PPP1R12C: variants seen among roughly 807,000 people sequenced by gnomAD.
The protein encoded by PPP1R12C is protein phosphatase 1 regulatory subunit 12C, also known as leukocyte receptor cluster (LRC) encoded novel gene 3.
A neutral mutation model predicts 95.6 loss-of-function variants in PPP1R12C; 48 were observed. That is an observed-to-expected ratio of 0.50 (90% CI 0.40 to 0.64). The LOEUF (loss-of-function observed/expected upper bound fraction) is 0.64, where lower values mean the gene tolerates loss of function less well. Among genes scored for constraint, PPP1R12C ranks in the 30% least tolerant of loss-of-function variants. PPP1R12C has a pLI of 0.00. For synonymous variants in PPP1R12C, 480 were observed against 460.8 expected (o/e 1.04, Z -0.53); for missense variants, 1,057 against 1,083.3 (o/e 0.98, Z 0.34).
At chr19:55,117,082 G>C (rs187809521) in intron 1 of PPP1R12C, 141 bp downstream of exon 1, 134 of 653,472 alleles carry the variant, frequency 2.1e-4, no homozygotes, top group Non-Finnish European at 2.6e-4. Context: ...GGACTGGGAC[G>C]GGGTGTCAGC....
At chr19:55,092,420 C>A (rs1439320607) in intron 18 of PPP1R12C, 22 bp downstream of exon 18, 1 of 1,589,284 alleles carries the variant, frequency 6.3e-7, no homozygotes, top group Non-Finnish European at 8.6e-7. Flanking sequence ...GGCAAAGCCC[C>A]GACGGAGGGG....
chr19:55,103,788 C>T (rs2085003971), intron 3 of PPP1R12C, among the ~76,000 whole-genome samples: 1 of 152,028 alleles, frequency 6.6e-6, no homozygotes, highest in Non-Finnish European at 1.5e-5. Flanking sequence ...GCGCTAAGCA[C>T]TGGGAAAACG....
chr19:55,091,626 GCCCACAGCC>G lies in PPP1R12C; in HGVS notation c.2262+15_2262+23del, dbSNP rs376699437. 2.7e-4 allele frequency: 414 copies of G among 1,556,646 alleles called. 2 individuals carry two copies. In the South Asian group the frequency reaches 3.0e-3, roughly 11 times the overall value. On this transcript the variant is annotated intron_variant, in intron 21 of 21. Coordinates refer to ENST00000263433, the MANE Select transcript of PPP1R12C (RefSeq NM_017607.4). ...CACCCCCACCCACCCTCGGCCCTCT[GCCCACAGCC>G]CCCACAGCCCCCACCTTCAGCTCCT...
Position 55,107,246 on chromosome 19 carries a change from T to G in PPP1R12C, c.572-3678A>C, listed in dbSNP as rs971589390. Among the ~76,000 whole-genome samples, 33 of 152,062 alleles carry G rather than the reference T, an allele frequency of 2.2e-4. 1 individual carries two copies. Among genetic ancestry groups the G allele is most frequent in the Non-Finnish European group, 4.4e-5 (3 of 68,014 alleles). On this transcript the variant is annotated intron_variant, in intron 3 of 21. Coordinates refer to ENST00000263433, the MANE Select transcript of PPP1R12C (RefSeq NM_017607.4). The stretch of plus-strand genomic sequence containing the variant: ...CTGGCCAACATGGTGAAACCCCATC[T>G]CTACTAAAAATACAAAAATTAGCTG...
In PPP1R12C at chr19:55,092,262, C is replaced by A; in HGVS notation, c.2120G>T (p.Arg707Leu). ...LREALTETTLRLAQLKVELER... is the reference protein window; with the variant it reads ...LREALTETTLLLAQLKVELER... ...CAGCTCCACCTTGAGCTGCGCCAGC[C>A]GCAGCGTGGTCTCGGTCAGGGCCTC... Residue 707 changes from arginine to leucine, a missense_variant, in exon 19 of 22, where the codon CGG becomes CTG. Physicochemically the swap from Arg to Leu is moderately radical, Grantham distance 102. Coordinates refer to ENST00000263433, the MANE Select transcript of PPP1R12C (RefSeq NM_017607.4). 6.3e-7 allele frequency: 1 copy of A among 1,597,728 alleles called. No individual in the cohort carries two copies. Among genetic ancestry groups the A allele is most frequent in the Non-Finnish European group, 8.5e-7 (1 of 1,172,806 alleles).
chr19:55,110,218 T>C (rs2085080591), intron 3 of PPP1R12C, among the ~76,000 whole-genome samples: 1 of 152,212 alleles, frequency 6.6e-6, no homozygotes, highest in Non-Finnish European at 1.5e-5. Context: ...AGCTGGGCCC[T>C]GAACCAGAGC....
chr19:55,100,483 T>A (rs541995889), intron 4 of PPP1R12C, among the ~76,000 whole-genome samples: 1 of 152,392 alleles, frequency 6.6e-6, no homozygotes, highest in East Asian at 1.9e-4. Context: ...CAGATCTGTC[T>A]TGTTTACCCA....
At chr19:55,100,358 A>G (rs1221518486) in intron 4 of PPP1R12C, among the ~76,000 whole-genome samples, 4 of 152,088 alleles carry the variant, frequency 2.6e-5, no homozygotes, top group Non-Finnish European at 5.9e-5. Context: ...AACATCCCAT[A>G]GGTGGAGGCC....
In PPP1R12C at chr19:55,094,684, T is replaced by C. The variant is rs2084889438; in HGVS notation, c.1569A>G (p.Pro523=). The part of the protein sequence containing the change: ...PNVPTASTAP[P]ADSRDRRRSY... Reference sequence around the variant, plus strand: ...ACCTCCGTCGGTCCCGGGAGTCCGCTGGGGGCGCCGTGGAGGCTGTGGGGA... The same window carrying C: ...ACCTCCGTCGGTCCCGGGAGTCCGCCGGGGGCGCCGTGGAGGCTGTGGGGA... The change falls in exon 12 of 22, where the codon CCA becomes CCG. Residue 523 remains proline (P), a synonymous_variant. Transcript: ENST00000263433. 2 of 1,604,308 alleles carry C rather than the reference T, an allele frequency of 1.2e-6. No homozygotes were observed. The highest frequency in any genetic ancestry group is 1.7e-5 in the Admixed American group (1 of 58,862).
Position 55,099,145 on chromosome 19 carries a change from C to T in PPP1R12C, c.732-50G>A, listed in dbSNP as rs373523433. 109 of 1,457,940 alleles carry T rather than the reference C, an allele frequency of 7.5e-5. No individual in the cohort carries two copies. The African/African-American group carries it at 1.1e-3, about 14-fold the overall frequency. 90.3% of individuals were successfully genotyped at this position (1,457,940 alleles called of 1,614,324 possible). ...CAGAGGCCAAGGCGGGGCCCTTGGC[C>T]GAGGGCTGATTTCGGCCAGCGGTTT... On this transcript the variant is annotated intron_variant, in intron 4 of 21. Transcript: ENST00000263433.
In PPP1R12C at chr19:55,094,693, C is replaced by A; in HGVS notation, c.1560G>T (p.Thr520=). 1.2e-6 allele frequency: 2 copies of A among 1,607,138 alleles called. No homozygotes were observed. Among genetic ancestry groups the A allele is most frequent in the African/African-American group, 1.3e-5 (1 of 74,922 alleles). The change falls in exon 12 of 22, where the codon ACG becomes ACT. Residue 520 remains threonine, a synonymous_variant. Transcript: ENST00000263433. ...GGTCCCGGGAGTCCGCTGGGGGCGCCGTGGAGGCTGTGGGGACGTTTGGCT... is the reference window on the plus strand; with the variant it reads ...GGTCCCGGGAGTCCGCTGGGGGCGCAGTGGAGGCTGTGGGGACGTTTGGCT... ...PAKPNVPTAS[T]APPADSRDRR...
chr19:55,103,445 T>G lies in PPP1R12C; in HGVS notation c.695A>C (p.His232Pro). 6.4e-7 allele frequency: 1 copy of G among 1,569,278 alleles called. No homozygotes were observed. The highest frequency in any genetic ancestry group is 8.7e-7 in the Non-Finnish European group (1 of 1,149,494). Residue 232 changes from histidine to proline, a missense_variant, in exon 4 of 22, where the codon CAC becomes CCC. Physicochemically the swap from His to Pro is moderately conservative, Grantham distance 77 (BLOSUM62 -2). Transcript: ENST00000263433. ...AATGTAGCCCTTGGCAGCAGCCACG[T>G]GCAGGGCAGAGGCGCCTGTGCGGGG... ...RHPRTGASAL[H>P]VAAAKGYIEV...
intron 1 of PPP1R12C, among the ~76,000 whole-genome samples, chr19:55,116,558 G>A (rs75308471): frequency 6.6e-6 from 1 of 152,168 alleles, no homozygotes; most frequent in Non-Finnish European, 1.5e-5. Context: ...GAGAATGCAG[G>A]TCAGAGAAAG....
At position 55,091,467 on chromosome 19, in the gene PPP1R12C, C is replaced by G. The variant is rs1361077622; in HGVS notation, c.*5G>C. ...TAAATACGGGTGCGGGAAAGTCCCT[C>G]CGGGTCACTTGGAGAGTTTGCTGAT... On this transcript the variant is annotated 3_prime_UTR_variant, in exon 22 of 22. Transcript: ENST00000263433. The G allele has an allele frequency of 1.2e-6, 2 of 1,613,228 alleles. No homozygotes were observed. Among genetic ancestry groups the G allele is most frequent in the Non-Finnish European group, 1.7e-6 (2 of 1,179,290 alleles).
intron 3 of PPP1R12C, chr19:55,112,070 A>C: frequency 5.7e-6 from 1 of 175,248 alleles, no homozygotes; most frequent in Non-Finnish European, 1.2e-5. Flanking sequence ...AGTCCCTGGC[A>C]ACCCCTGCAT....
At chr19:55,104,093 T>G (rs1401975111) in intron 3 of PPP1R12C, among the ~76,000 whole-genome samples, 3 of 141,274 alleles carry the variant, frequency 2.1e-5, no homozygotes, top group African/African-American at 5.3e-5. Context: ...AACCCGGGAG[T>G]TGGAGGTTGC....
At chr19:55,106,323 A>G (rs1436752901) in intron 3 of PPP1R12C, among the ~76,000 whole-genome samples, 2 of 152,230 alleles carry the variant, frequency 1.3e-5, no homozygotes, top group Non-Finnish European at 2.9e-5. Context: ...ATGGTTGGGA[A>G]GGCCTCTCTC....
At position 55,095,932 on chromosome 19, in the gene PPP1R12C, G is replaced by A. The variant is rs1225330585; in HGVS notation, c.1162C>T (p.Pro388Ser). ...CCATTGAGGGTTCTGGGTTCTGCAG[G>A]GGGTGGTTCTGTGATGTGGGAACAC... ...EGEEGPTEPP[P>S]AEPRTLNGVS... The change falls in exon 9 of 22, where the codon CCT becomes TCT. Residue 388 changes from proline (P) to serine (S), a missense_variant. This residue lies in a region of PPP1R12C where 356 missense variants were observed against 330.5 expected (regional missense o/e 1.08). Transcript: ENST00000263433. 1.2e-6 allele frequency: 2 copies of A among 1,613,034 alleles called. No individual in the cohort carries two copies. Among genetic ancestry groups the A allele is most frequent in the South Asian group, 2.2e-5 (2 of 91,056 alleles).
intron 13 of PPP1R12C, 52 bp from the exon 14 acceptor site, chr19:55,093,285 T>A (rs1309983826): frequency 6.4e-7 from 1 of 1,551,780 alleles, no homozygotes; most frequent in Non-Finnish European, 8.8e-7. Context: ...GCCCAGCCCC[T>A]CCTCCCTCAG....
Sources: allele counts gnomAD v4.1 joint callset (sites outside exome capture counted in the v4.1 genomes callset), GRCh38; gene constraint gnomAD v4.1.1; regional missense constraint gnomAD v4.1.1; transcripts MANE v1.5; gene names NCBI Gene and HGNC (gene_info 2026-07-23, HGNC 2026-07-21).